The following ANKRD12 variants were observed in gnomAD, a reference collection of about 807,000 sequenced individuals.
ANKRD12 encodes ankyrin repeat domain 12, also known as ankyrin repeat domain-containing protein 12.
Under a neutral mutation model 183.4 loss-of-function variants are expected in ANKRD12, and 85 were observed. The ratio of observed to expected loss-of-function variants is 0.46; its 90% CI spans 0.39 to 0.56. The LOEUF is 0.56. Ranked by LOEUF, ANKRD12 falls within the 20% of genes least tolerant of loss-of-function variation. ANKRD12 has a pLI of 0.00. For missense variants in ANKRD12, 2,405 were observed against 2,357.1 expected (o/e 1.02, Z -0.42); for synonymous variants, 914 against 800.2 (o/e 1.14, Z -2.40).
At chr18:9,211,858 A>T (rs2035820961) in intron 6 of ANKRD12, 74 bp downstream of exon 6, 6 of 1,246,778 alleles carry the variant, frequency 4.8e-6, no homozygotes, top group Non-Finnish European at 6.8e-6. Flanking sequence ...TTTAATCTAC[A>T]TTCTTTTATT....
In ANKRD12 at chr18:9,257,325, A is replaced by G; in HGVS notation, c.4058A>G (p.Asn1353Ser). The G allele has an allele frequency of 6.2e-7, 1 of 1,614,144 alleles. No individual in the cohort carries two copies. The highest frequency in any genetic ancestry group is 2.2e-5 in the East Asian group (1 of 44,882). ...SPSPKPEVFS[N>S]VPERDLSNVS... ...TCTCCCAAACCTGAGGTATTCTCAAATGTGCCTGAAAGAGACCTTTCAAAT... is the reference window on the plus strand; with the variant it reads ...TCTCCCAAACCTGAGGTATTCTCAAGTGTGCCTGAAAGAGACCTTTCAAAT... The change falls in exon 9 of 13, where the codon AAT (asparagine) becomes AGT (serine). Residue 1353 changes from asparagine (N) to serine (S), a missense_variant. Asn to Ser is a conservative substitution (Grantham distance 46). Coordinates refer to ENST00000262126, the MANE Select transcript of ANKRD12 (RefSeq NM_015208.5).
At chr18:9,238,238 C>G (rs971063300) in intron 8 of ANKRD12, among the ~76,000 whole-genome samples, 2 of 152,146 alleles carry the variant, frequency 1.3e-5, no homozygotes, top group African/African-American at 4.8e-5. Flanking sequence ...CCATAAACAC[C>G]CCTGTGTTGG....
At chr18:9,261,743 A>C (rs1194661830) in intron 9 of ANKRD12, among the ~76,000 whole-genome samples, 2 of 151,850 alleles carry the variant, frequency 1.3e-5, no homozygotes, top group Non-Finnish European at 2.9e-5. Flanking sequence ...TTTGGGAATT[A>C]CCTCCCTCCC....
chr18:9,177,418 T>C (rs1166325320), intron 1 of ANKRD12, among the ~76,000 whole-genome samples: 1 of 60,266 alleles, frequency 1.7e-5, no homozygotes, highest in African/African-American at 5.0e-5. Context: ...TGACATCTCA[T>C]TTTTTTATTT....
intron 1 of ANKRD12, among the ~76,000 whole-genome samples, chr18:9,180,124 A>G (rs900598896): frequency 2.0e-5 from 3 of 152,096 alleles, no homozygotes; most frequent in African/African-American, 7.2e-5. Flanking sequence ...TGTTTCATGT[A>G]TTTTGAAGCT....
Position 9,216,727 on chromosome 18 carries a change from G to T in ANKRD12, c.653-31G>T, listed in dbSNP as rs760723789. The T allele has an allele frequency of 4.4e-6, 7 of 1,605,392 alleles. No individual in the cohort carries two copies. The South Asian group carries it at 5.6e-5, about 13-fold the overall frequency. On this transcript the variant is annotated intron_variant, in intron 6 of 12. Transcript: ENST00000262126. ...GCATATATTTTGAAGTAGCGCAAGT[G>T]AATCATGTTAAATTAATAATCTAAC...
At chr18:9,170,315 CT>C in intron 1 of ANKRD12, among the ~76,000 whole-genome samples, 1 of 152,204 alleles carries the variant, frequency 6.6e-6, no homozygotes, top group East Asian at 1.9e-4. Context: ...TGTTTTCCAA[CT>C]TGGTTCCATT....
intron 2 of ANKRD12, among the ~76,000 whole-genome samples, chr18:9,188,203 G>A (rs1198557653): frequency 1.3e-5 from 2 of 152,206 alleles, no homozygotes; most frequent in African/African-American, 2.4e-5. Context: ...TTCTCACAAG[G>A]GGGATGCAGT....
At chr18:9,251,180 A>G (rs998027492) in intron 8 of ANKRD12, among the ~76,000 whole-genome samples, 8 of 152,176 alleles carry the variant, frequency 5.3e-5, no homozygotes, top group African/African-American at 1.4e-4. Context: ...GTCATGTGTC[A>G]ACACCTCTCT....
At chr18:9,247,051 C>A (rs955755181) in intron 8 of ANKRD12, among the ~76,000 whole-genome samples, 1 of 152,154 alleles carries the variant, frequency 6.6e-6, no homozygotes, top group South Asian at 2.1e-4. Context: ...GATTTAATTA[C>A]ACCTATTTTG....
intron 1 of ANKRD12, among the ~76,000 whole-genome samples, chr18:9,158,017 A>G (rs117665426): frequency 1.4e-3 from 206 of 152,298 alleles, no homozygotes; most frequent in Non-Finnish European, 2.2e-3. Flanking sequence ...CACAAAGTCA[A>G]TATGAGGTAA....
chr18:9,202,692 A>C (rs2144524753), intron 3 of ANKRD12, among the ~76,000 whole-genome samples: 1 of 152,318 alleles, frequency 6.6e-6, no homozygotes, highest in Admixed American at 6.5e-5. Flanking sequence ...AGTGTTTTGC[A>C]TCAATCTCAA....
In ANKRD12 at chr18:9,254,454, C is replaced by T. The variant is rs1285494844; in HGVS notation, c.1187C>T (p.Thr396Ile). ...GAAAATGAACCTGAAGCAGAAAAAA[C>T]TCATTTATTTGCAAAACAGGAGAAA... Reference protein sequence around the residue: ...RKENEPEAEKTHLFAKQEKAF... With the variant: ...RKENEPEAEKIHLFAKQEKAF... Residue 396 changes from threonine (T) to isoleucine (I), a missense_variant, in exon 9 of 13, where the codon ACT (threonine) becomes ATT (isoleucine). This residue lies in a region of ANKRD12 where 1,983 missense variants were observed against 1,725.9 expected (regional missense o/e 1.15). Transcript: ENST00000262126. 2.6e-6 allele frequency: 4 copies of T among 1,568,492 alleles called. No homozygotes were observed. The Admixed American group carries it at 6.1e-5, about 24-fold the overall frequency.
At position 9,157,550 on chromosome 18, in the gene ANKRD12, G is replaced by GGTGT. The variant is rs71168037; in HGVS notation, c.-52+20618_-52+20621dup. ...AATGGTAAATTTTATGGTGTGTGTG[G>GGTGT]GTGTGTGTGTGTGTGTGTGTGTGTG... On this transcript the variant is annotated intron_variant, in intron 1 of 12. Coordinates refer to ENST00000262126, the MANE Select transcript of ANKRD12 (RefSeq NM_015208.5). 7.8e-3 allele frequency among the ~76,000 whole-genome samples: 895 copies of GGTGT among 114,562 alleles called. 11 individuals are homozygous for GGTGT. Among genetic ancestry groups the GGTGT allele is most frequent in the East Asian group, 0.022 (98 of 4,370 alleles). 75.2% of individuals were successfully genotyped at this position (114,562 alleles called of 152,430 possible).
intron 8 of ANKRD12, among the ~76,000 whole-genome samples, chr18:9,249,220 T>C (rs2038140977): frequency 6.6e-6 from 1 of 152,184 alleles, no homozygotes; most frequent in Admixed American, 6.5e-5. Context: ...TACAGAAGAC[T>C]TCCAAATTCC....
chr18:9,283,544 T>A lies in ANKRD12; in HGVS notation c.*2418T>A, dbSNP rs974537606. The A allele has an allele frequency of 1.3e-5, 2 of 152,436 alleles. No individual in the cohort carries two copies. The highest frequency in any genetic ancestry group is 4.8e-5 in the African/African-American group (2 of 41,392). The allele number at this position is 152,436 out of a possible 1,614,324, so 9.4% of individuals were successfully genotyped here. On this transcript the variant is annotated 3_prime_UTR_variant, in exon 13 of 13. Coordinates refer to ENST00000262126, the MANE Select transcript of ANKRD12 (RefSeq NM_015208.5). ...GAAGCTCTGAAATGCTAGAAAAAAA[T>A]TTGGAATGGAGTATATGCCTGAAAA...
chr18:9,188,098 G>T (rs2144285642), intron 2 of ANKRD12, among the ~76,000 whole-genome samples: 1 of 152,326 alleles, frequency 6.6e-6, no homozygotes, highest in African/African-American at 2.4e-5. Context: ...GCTGGCAGAA[G>T]ACACAATTCC....
rs897599253 is a variant in ANKRD12, at chr18:9,285,373, G to C, written c.*4247G>C. On this transcript the variant is annotated 3_prime_UTR_variant, in exon 13 of 13. Coordinates refer to ENST00000262126, the MANE Select transcript of ANKRD12 (RefSeq NM_015208.5). Reference sequence around the variant, plus strand: ...TTGAAGCCTGGAGGCGGAGGTTGCAGTGAGCTCACGCCACTGCACCCCAGC... The same window carrying C: ...TTGAAGCCTGGAGGCGGAGGTTGCACTGAGCTCACGCCACTGCACCCCAGC... 7.5e-5 allele frequency: 11 copies of C among 146,454 alleles called. No homozygotes were observed. The highest frequency in any genetic ancestry group is 1.6e-4 in the Non-Finnish European group (11 of 67,062). The allele number at this position is 146,454 out of a possible 1,614,324, so 9.1% of individuals were successfully genotyped here.
intron 1 of ANKRD12, among the ~76,000 whole-genome samples, chr18:9,139,658 G>T (rs985407770): frequency 6.6e-6 from 1 of 152,286 alleles, no homozygotes; most frequent in South Asian, 2.1e-4. Flanking sequence ...TGGGCGTGAA[G>T]AATTTGTCTA....
Sources: allele counts gnomAD v4.1 joint callset (sites outside exome capture counted in the v4.1 genomes callset), GRCh38; gene constraint gnomAD v4.1.1; regional missense constraint gnomAD v4.1.1; transcripts MANE v1.5; gene names NCBI Gene and HGNC (gene_info 2026-07-23, HGNC 2026-07-21).